Variants in ACSS3 observed in about 807,000 individuals in gnomAD.
The protein encoded by ACSS3 is acyl-CoA synthetase short chain family member 3, also known as acyl-CoA synthetase short-chain family member 3, mitochondrial.
ACSS3 carries 64 observed loss-of-function variants against 84.2 expected under a neutral mutation model. That is an observed-to-expected ratio of 0.76 (90% confidence interval 0.62 to 0.94). The LOEUF is 0.94. Ranked by LOEUF, ACSS3 falls within the 40% of genes least tolerant of loss-of-function variation. The probability of loss-of-function intolerance (pLI) is 0.00; values close to 1 mark genes in which losing one functional copy is unlikely to be tolerated. For synonymous variants in ACSS3, 317 were observed against 310.1 expected, an observed-to-expected ratio of 1.02 and a Z score of -0.23; for missense variants, 815 against 867.6, an observed-to-expected ratio of 0.94 and a Z score of 0.76.
At chr12:81,161,922 GC>G (rs1191556284) in intron 7 of ACSS3, among the ~76,000 whole-genome samples, 2 of 152,192 alleles carry the variant, frequency 1.3e-5, no homozygotes, top group Admixed American at 1.3e-4. Flanking sequence ...AAACATGGTG[GC>G]ACATGGAAGC....
chr12:81,186,884 C>G (rs1383148701), intron 8 of ACSS3, among the ~76,000 whole-genome samples: 1 of 151,684 alleles, frequency 6.6e-6, no homozygotes, highest in African/African-American at 2.4e-5. Flanking sequence ...ATGAAGTCAC[C>G]ACCTCATGAA....
rs574134838 is a variant in ACSS3 at position 81,168,334 on chromosome 12, G to A, written c.1099-6454G>A. Among the ~76,000 whole-genome samples, 5 of 152,156 alleles carry A rather than the reference G, an allele frequency of 3.3e-5. No individual in the cohort carries two copies. In the South Asian group the frequency reaches 6.2e-4, roughly 19 times the overall value. On this transcript the variant is annotated intron_variant, in intron 7 of 15. Coordinates refer to ENST00000548058, the MANE Select transcript of ACSS3 (RefSeq NM_024560.4). ...GTTTTGAGAGGCTTTCATATACTTC[G>A]ACAATTTTTGTTTATAGACGCTTAT... is the stretch of plus-strand genomic sequence containing the variant.
At chr12:81,155,921 AG>A (rs759938416) in intron 7 of ACSS3, among the ~76,000 whole-genome samples, 3 of 152,232 alleles carry the variant, frequency 2.0e-5, no homozygotes, top group Non-Finnish European at 4.4e-5. Flanking sequence ...TGACATTCAT[AG>A]AAAACTATTC....
At chr12:81,187,246 T>C (rs1210537641) in intron 8 of ACSS3, among the ~76,000 whole-genome samples, 2 of 151,784 alleles carry the variant, frequency 1.3e-5, no homozygotes, top group African/African-American at 4.8e-5. Context: ...GATGAACAGG[T>C]CAGAGGATAC....
intron 1 of ACSS3, among the ~76,000 whole-genome samples, chr12:81,103,629 CAT>C (rs1475853149): frequency 2.0e-5 from 3 of 152,028 alleles, no homozygotes; most frequent in Admixed American, 2.0e-4. Context: ...TTCTGTGTAA[CAT>C]TGCCTACAGA....
chr12:81,213,811 CTCTTCTCTTCTCTTCTCTTCTCTT>C (rs2032738462), intron 9 of ACSS3, among the ~76,000 whole-genome samples: 2 of 51,156 alleles, frequency 3.9e-5, no homozygotes, highest in African/African-American at 1.2e-4. Context: ...CTCTTCTCTT[CTCTTCTCTTCTCTTCTCTTCTCTT>C]CTCTTCTCTC....
Position 81,233,383 on chromosome 12 carries a change from A to C in ACSS3, c.1631A>C (p.Asp544Ala). The C allele has an allele frequency of 5.0e-6, 8 of 1,611,104 alleles. No individual in the cohort carries two copies. The highest frequency in any genetic ancestry group is 6.8e-6 in the Non-Finnish European group (8 of 1,177,894). ...GATACCATGGATGCTGGTTACATGG[A>C]TGAAGAAGGCTATTTGTATGTTATG... is the stretch of plus-strand genomic sequence containing the variant. ...YYDTMDAGYM[D>A]EEGYLYVMSR... Residue 544 changes from aspartate to alanine, a missense_variant, in exon 13 of 16, where the codon GAT becomes GCT. Physicochemically the swap from Asp to Ala is moderately radical, Grantham distance 126 (BLOSUM62 -2). Transcript: ENST00000548058.
chr12:81,111,142 A>G (rs1475147823), intron 2 of ACSS3, among the ~76,000 whole-genome samples: 2 of 152,158 alleles, frequency 1.3e-5, no homozygotes, highest in African/African-American at 4.8e-5. Context: ...AAAAGACCTT[A>G]TGAAAAGGGT....
intron 1 of ACSS3, among the ~76,000 whole-genome samples, chr12:81,092,924 A>G (rs533824511): frequency 2.0e-5 from 3 of 152,316 alleles, no homozygotes; most frequent in African/African-American, 4.8e-5. Context: ...TTTGCTTAGC[A>G]TTAAAGTTAT....
chr12:81,165,889 A>G (rs866594572), intron 7 of ACSS3, among the ~76,000 whole-genome samples: 11 of 152,192 alleles, frequency 7.2e-5, no homozygotes, highest in Admixed American at 6.5e-5. Context: ...AACAATTAAT[A>G]ATAATTATTA....
chr12:81,101,743 C>T (rs1260498269), intron 1 of ACSS3, among the ~76,000 whole-genome samples: 4 of 152,056 alleles, frequency 2.6e-5, no homozygotes, highest in South Asian at 2.1e-4. Flanking sequence ...CTCACTATAA[C>T]TATGTATGAT....
intron 8 of ACSS3, among the ~76,000 whole-genome samples, chr12:81,190,396 A>G (rs1234997207): frequency 3.3e-5 from 5 of 151,952 alleles, no homozygotes; most frequent in South Asian, 2.1e-4. Flanking sequence ...GGTCAATGGT[A>G]TTGTTTACAT....
chr12:81,176,945 G>A (rs1332380631), intron 8 of ACSS3, among the ~76,000 whole-genome samples: 3 of 152,066 alleles, frequency 2.0e-5, no homozygotes, highest in Non-Finnish European at 4.4e-5. Flanking sequence ...GGAACGAGCA[G>A]CACATCAAAA....
intron 4 of ACSS3, among the ~76,000 whole-genome samples, chr12:81,139,520 T>G (rs1885974992): frequency 1.3e-5 from 2 of 151,198 alleles, no homozygotes; most frequent in African/African-American, 4.8e-5. Context: ...GTTGTGTTTT[T>G]TATTAGCTCA....
At chr12:81,230,938 A>T in intron 11 of ACSS3, 119 bp from the exon 12 acceptor site, 1 of 787,604 alleles carries the variant, frequency 1.3e-6, no homozygotes. Flanking sequence ...TTTAGGGGTT[A>T]TATTTCAATG....
intron 2 of ACSS3, 140 bp from the exon 3 acceptor site, chr12:81,134,676 A>G (rs962539686): frequency 3.4e-6 from 2 of 594,664 alleles, no homozygotes; most frequent in Non-Finnish European, 5.2e-6. Flanking sequence ...AAGCATTATC[A>G]TCATCATCAA....
At chr12:81,094,162 C>T (rs535596659) in intron 1 of ACSS3, among the ~76,000 whole-genome samples, 83 of 138,232 alleles carry the variant, frequency 6.0e-4, no homozygotes, top group Non-Finnish European at 1.1e-3. Context: ...TTTTTCCTCT[C>T]TCTCTCTCTC....
intron 7 of ACSS3, 57 bp from the exon 8 acceptor site, chr12:81,174,731 T>C: frequency 6.5e-7 from 1 of 1,545,048 alleles, no homozygotes; most frequent in Non-Finnish European, 8.9e-7. Flanking sequence ...ACTATTGAAC[T>C]GTCAGTGAAA....
intron 9 of ACSS3, among the ~76,000 whole-genome samples, chr12:81,216,584 G>T (rs954551659): frequency 2.0e-5 from 3 of 152,036 alleles, no homozygotes. Context: ...TTATGGAACC[G>T]TCCAAGTCAC....
Sources: allele counts gnomAD v4.1 joint callset (sites outside exome capture counted in the v4.1 genomes callset), GRCh38; gene constraint gnomAD v4.1.1; transcripts MANE v1.5; gene names NCBI Gene and HGNC (gene_info 2026-07-23, HGNC 2026-07-21).